The following FAM227B variants were observed in gnomAD, a reference collection of about 807,000 sequenced individuals.
FAM227B encodes the protein protein FAM227B.
In FAM227B, 88 loss-of-function variants were observed where a neutral mutation model predicts 73.8. That is an observed-to-expected ratio of 1.19 (90% CI 1.00 to 1.42). The LOEUF is 1.42. Among genes scored for constraint, FAM227B ranks in the 40% most tolerant of loss-of-function variants. The pLI, the probability that FAM227B is intolerant of heterozygous loss-of-function variation, is 0.00. For synonymous variants in FAM227B, 210 were observed against 190.5 expected (o/e 1.10, Z -0.84); for missense variants, 632 against 590.9 (o/e 1.07, Z -0.72).
chr15:49,583,120 C>A lies in FAM227B; in HGVS notation c.405+4896G>T, dbSNP rs181672487. On this transcript the variant is annotated intron_variant, in intron 5 of 15. Coordinates refer to ENST00000299338, the MANE Select transcript of FAM227B (RefSeq NM_152647.3). ...AAAGCTAGCAGAAGACAAAAATAACCAAAATCAGAGCTGAACTGAAGGAGA... is the reference window on the plus strand; with the variant it reads ...AAAGCTAGCAGAAGACAAAAATAACAAAAATCAGAGCTGAACTGAAGGAGA... 6.6e-5 allele frequency among the ~76,000 whole-genome samples: 10 copies of A among 150,986 alleles called. 1 individual carries two copies. In the East Asian group the frequency reaches 1.9e-3, roughly 29 times the overall value.
chr15:49,330,331 C>T (rs1467869825), intron 15 of FAM227B: 1 of 152,186 alleles, frequency 6.6e-6, no homozygotes, highest in East Asian at 1.9e-4. Flanking sequence ...GGTTATAGCC[C>T]AGCAGCCCAT....
intron 2 of FAM227B, among the ~76,000 whole-genome samples, chr15:49,612,535 T>G (rs1340250642): frequency 2.6e-5 from 4 of 152,160 alleles, no homozygotes; most frequent in Non-Finnish European, 5.9e-5. Flanking sequence ...GTACTCGCAG[T>G]GTGCATAAAT....
chr15:49,401,014 C>A (rs1394286091), intron 11 of FAM227B, among the ~76,000 whole-genome samples: 2 of 152,162 alleles, frequency 1.3e-5, no homozygotes, highest in Non-Finnish European at 2.9e-5. Context: ...TCTAATTAAA[C>A]TAAAGAGCTT....
rs542011976 is a variant in FAM227B, at chr15:49,487,656, C to T, written c.1012+20555G>A. 1.1e-4 allele frequency: 16 copies of T among 151,898 alleles called. No homozygotes were observed. In the South Asian group the frequency reaches 2.5e-3, roughly 24 times the overall value. The allele number at this position is 151,898 out of a possible 1,614,324, so 9.4% of individuals were successfully genotyped here. A position where few individuals can be genotyped will look rare whatever the true frequency, so the allele number is the denominator to read the frequency against. ...AAAAACTCTAAAACAGTGCCCCTTA[C>T]GATTTTCTACTGAAATTTCTCTAAT... On this transcript the variant is annotated intron_variant, in intron 11 of 15. Transcript: ENST00000299338.
chr15:49,432,568 A>G (rs2050712642), intron 11 of FAM227B, among the ~76,000 whole-genome samples: 1 of 151,650 alleles, frequency 6.6e-6, no homozygotes, highest in Non-Finnish European at 1.5e-5. Flanking sequence ...TTTCAACTTG[A>G]GAGCTATTGT....
intron 11 of FAM227B, among the ~76,000 whole-genome samples, chr15:49,391,928 C>T (rs1308181422): frequency 6.6e-6 from 1 of 152,058 alleles, no homozygotes; most frequent in Non-Finnish European, 1.5e-5. Flanking sequence ...AATAAATGCC[C>T]TCCTTACTCT....
At chr15:49,555,931 A>G (rs976914531) in intron 9 of FAM227B, among the ~76,000 whole-genome samples, 1 of 152,136 alleles carries the variant, frequency 6.6e-6, no homozygotes, top group African/African-American at 2.4e-5. Flanking sequence ...TTTGTCTTCT[A>G]CCACCTGTAT....
rs567350589 is a variant in FAM227B, at chr15:49,603,578, C to T, written c.105+7637G>A. On this transcript the variant is annotated intron_variant, in intron 3 of 15. Coordinates refer to ENST00000299338, the MANE Select transcript of FAM227B (RefSeq NM_152647.3). ...AATATAAGATCGTATCATCTGCAAA[C>T]AAGGAGAATTTGACTTTTTCCTTTC... Among the ~76,000 whole-genome samples, 143 of 152,216 alleles carry T rather than the reference C, an allele frequency of 9.4e-4. 2 individuals are homozygous for T. Among genetic ancestry groups the T allele is most frequent in the Non-Finnish European group, 1.6e-3 (108 of 67,992 alleles).
intron 11 of FAM227B, chr15:49,396,407 G>A (rs763772989): frequency 3.9e-4 from 80 of 207,464 alleles, no homozygotes; most frequent in East Asian, 8.4e-4. Context: ...CAAGGCGGCA[G>A]CGAGGCTGGG....
At position 49,427,001 on chromosome 15, in the gene FAM227B, G is replaced by A. The variant is rs552006117; in HGVS notation, c.1013-55602C>T. 2.0e-5 allele frequency among the ~76,000 whole-genome samples: 3 copies of A among 152,054 alleles called. No individual in the cohort carries two copies. In the East Asian group the frequency reaches 5.8e-4, roughly 29 times the overall value. Reference sequence around the variant, plus strand: ...TTCTCCAAAGTTAAAAAGAGGATAAGCCACTCTTTTTTTTCTATAGGAAGT... The same window carrying A: ...TTCTCCAAAGTTAAAAAGAGGATAAACCACTCTTTTTTTTCTATAGGAAGT... On this transcript the variant is annotated intron_variant, in intron 11 of 15. Transcript: ENST00000299338.
intron 11 of FAM227B, among the ~76,000 whole-genome samples, chr15:49,416,469 C>T (rs981667088): frequency 1.3e-5 from 2 of 152,066 alleles, no homozygotes; most frequent in Non-Finnish European, 2.9e-5. Flanking sequence ...TGCCCTCTCT[C>T]ACCACTTCTA....
chr15:49,470,028 A>G (rs968234630), intron 11 of FAM227B, among the ~76,000 whole-genome samples: 1 of 152,142 alleles, frequency 6.6e-6, no homozygotes, highest in African/African-American at 2.4e-5. Flanking sequence ...GCTTTAACAT[A>G]TTTCTTAATT....
At chr15:49,610,674 T>A (rs976830025) in intron 3 of FAM227B, among the ~76,000 whole-genome samples, 8 of 152,142 alleles carry the variant, frequency 5.3e-5, no homozygotes, top group Admixed American at 6.6e-5. Flanking sequence ...CATTCCTCAA[T>A]GCAAAACAAA....
chr15:49,351,340 GGAAGATACGGAAA>G (rs1221396715), intron 13 of FAM227B, among the ~76,000 whole-genome samples: 17 of 152,286 alleles, frequency 1.1e-4, no homozygotes, highest in African/African-American at 3.8e-4. Context: ...AGTCTTTCCT[GGAAGATACGGAAA>G]GAAGATACGG....
intron 11 of FAM227B, among the ~76,000 whole-genome samples, chr15:49,460,253 G>A (rs888602262): frequency 4.6e-5 from 7 of 152,054 alleles, no homozygotes; most frequent in Non-Finnish European, 7.4e-5. Flanking sequence ...CCTAGAAGTA[G>A]GTAAGCTGCA....
At chr15:49,505,842 AAG>A (rs1206955438) in intron 11 of FAM227B, among the ~76,000 whole-genome samples, 1 of 152,024 alleles carries the variant, frequency 6.6e-6, no homozygotes, top group African/African-American at 2.4e-5. Context: ...AATTAAAGTG[AAG>A]AGATTGTCAT....
At position 49,375,001 on chromosome 15, in the gene FAM227B, A is replaced by C. The variant is rs118049921; in HGVS notation, c.1013-3602T>G. 1.8e-4 allele frequency among the ~76,000 whole-genome samples: 27 copies of C among 152,294 alleles called. No individual in the cohort carries two copies. The East Asian group carries it at 5.2e-3, about 29-fold the overall frequency. On this transcript the variant is annotated intron_variant, in intron 11 of 15. Transcript: ENST00000299338. ...ATATATTAAATCTCAAATGAGTTAT[A>C]TCTCTCTACATACCTACTTACAGAT...
At chr15:49,493,422 G>A (rs767897290) in intron 11 of FAM227B, among the ~76,000 whole-genome samples, 7 of 151,844 alleles carry the variant, frequency 4.6e-5, no homozygotes, top group East Asian at 3.9e-4. Flanking sequence ...TTTTGTACAC[G>A]CACCATACTT....
intron 10 of FAM227B, among the ~76,000 whole-genome samples, chr15:49,523,038 C>G (rs2059901231): frequency 6.6e-6 from 1 of 152,046 alleles, no homozygotes; most frequent in Non-Finnish European, 1.5e-5. Context: ...TTCTTTTACT[C>G]TCTTCAATGT....
Sources: allele counts gnomAD v4.1 joint callset (sites outside exome capture counted in the v4.1 genomes callset), GRCh38; gene constraint gnomAD v4.1.1; transcripts MANE v1.5; gene names NCBI Gene and HGNC (gene_info 2026-07-23, HGNC 2026-07-21).